The following EPB41L1 variants were observed in gnomAD, a reference collection of about 807,000 sequenced individuals.
The protein encoded by EPB41L1 is band 4.1-like protein 1.
Under a neutral mutation model 97.8 loss-of-function variants are expected in EPB41L1, and 29 were observed. The observed-to-expected ratio is 0.30, with a 90% confidence interval of 0.22 to 0.40. The LOEUF (loss-of-function observed/expected upper bound fraction) is 0.40, where lower values mean the gene tolerates loss of function less well. EPB41L1 is among the 10% of genes least tolerant of loss of function. EPB41L1 has a pLI of 1.00. For synonymous variants in EPB41L1, 383 were observed against 459.2 expected (o/e 0.83, Z 2.12); for missense variants, 812 against 1,162.3 (o/e 0.70, Z 4.38).
At chr20:36,205,514 AG>A (rs2062752212) in intron 14 of EPB41L1, among the ~76,000 whole-genome samples, 1 of 152,246 alleles carries the variant, frequency 6.6e-6, no homozygotes, top group African/African-American at 2.4e-5. Context: ...TGTTATTAAA[AG>A]AGGAAGAGGA....
At chr20:36,130,787 TTCTCTCTCTCTC>T (rs35428172) in intron 2 of EPB41L1, among the ~76,000 whole-genome samples, 8 of 143,756 alleles carry the variant, frequency 5.6e-5, no homozygotes, top group Middle Eastern at 3.5e-3. Flanking sequence ...TTTTAAAAAT[TTCTCTCTCTCTC>T]TCTCTCTCTC....
In EPB41L1 at chr20:36,173,915, G is replaced by A; in HGVS notation, c.138G>A (p.Glu46=). 1 of 1,614,006 alleles carries A rather than the reference G, an allele frequency of 6.2e-7. No homozygotes were observed. The part of the protein sequence containing the change: ...GHGHPEANSN[E]KHPSQQDTRP... ...GCCACCCAGAGGCCAACTCCAATGA[G>A]AAGCATCCATCCCAGCAGGACACGC... Residue 46 remains glutamate (E), a synonymous_variant, in exon 2 of 22, where the codon GAG becomes GAA. Transcript: ENST00000338074.
rs551907659 is a variant in EPB41L1 at position 36,206,083 on chromosome 20, G to C, written c.1669-3405G>C. On this transcript the variant is annotated intron_variant, in intron 14 of 21. Coordinates refer to ENST00000338074, the MANE Select transcript of EPB41L1 (RefSeq NM_012156.2). The surrounding 1 kb of genome is among the most constrained non-coding windows in gnomAD (Gnocchi z 5.5). ...CACCCAGCAACAAGGAAAAATGATTGCAAGTCCTGAAGACTTTGAGTCAGT... is the reference window on the plus strand; with the variant it reads ...CACCCAGCAACAAGGAAAAATGATTCCAAGTCCTGAAGACTTTGAGTCAGT... 181 of 1,289,888 alleles carry C rather than the reference G, an allele frequency of 1.4e-4. No homozygotes were observed. In the African/African-American group the frequency reaches 2.5e-3, roughly 18 times the overall value. The allele number at this position is 1,289,888 out of a possible 1,614,324, so 79.9% of individuals were successfully genotyped here.
intron 11 of EPB41L1, among the ~76,000 whole-genome samples, chr20:36,193,378 T>C (rs1038278977): frequency 4.6e-5 from 7 of 152,252 alleles, no homozygotes; most frequent in African/African-American, 1.7e-4. Flanking sequence ...ATGCGTACTT[T>C]GCAAAGTGAG....
intron 2 of EPB41L1, among the ~76,000 whole-genome samples, chr20:36,146,160 G>A (rs974812879): frequency 2.6e-5 from 4 of 152,162 alleles, no homozygotes; most frequent in Admixed American, 2.6e-4. Flanking sequence ...CAGTTGGCTG[G>A]TGTGGGTACT....
chr20:36,215,222 G>A (rs1191642494), intron 17 of EPB41L1, among the ~76,000 whole-genome samples: 1 of 151,980 alleles, frequency 6.6e-6, no homozygotes, highest in East Asian at 1.9e-4. Context: ...GAAGTTCAGA[G>A]AGGTAAAGCG....
chr20:36,194,222 C>A lies in EPB41L1; in HGVS notation c.1311C>A (p.Ser437=). 6.2e-7 allele frequency: 1 copy of A among 1,613,820 alleles called. No individual in the cohort carries two copies. The highest frequency in any genetic ancestry group is 8.5e-7 in the Non-Finnish European group (1 of 1,180,042). ...CTCCACCCACTTCAGCAGAGTTCTC[C>A]CGCCCAGCCTCGGTCAGCGAGAACC... ...MSRSLDGAEF[S]RPASVSENHD... is the part of the protein sequence containing the mutation. The change falls in exon 12 of 22, where the codon TCC becomes TCA. Residue 437 remains serine, a synonymous_variant. Transcript: ENST00000338074.
intron 2 of EPB41L1, among the ~76,000 whole-genome samples, chr20:36,123,760 G>A (rs1430332771): frequency 6.6e-6 from 1 of 152,232 alleles, no homozygotes; most frequent in African/African-American, 2.4e-5. Context: ...CAATGTATAG[G>A]TCAGAAGAAG....
chr20:36,187,124 G>A (rs1264782342), intron 7 of EPB41L1, among the ~76,000 whole-genome samples: 1 of 152,184 alleles, frequency 6.6e-6, no homozygotes, highest in African/African-American at 2.4e-5. Flanking sequence ...CTCAATAAAT[G>A]TTTGCTGTGA....
intron 6 of EPB41L1, among the ~76,000 whole-genome samples, chr20:36,184,455 C>T (rs529062633): frequency 2.6e-5 from 4 of 152,064 alleles, no homozygotes; most frequent in Admixed American, 6.5e-5. Flanking sequence ...GGAAATGTTT[C>T]TTTAAACCAA....
intron 1 of EPB41L1, among the ~76,000 whole-genome samples, chr20:36,163,451 C>T (rs2060613134): frequency 6.6e-6 from 1 of 152,164 alleles, no homozygotes; most frequent in South Asian, 2.1e-4. Context: ...TAAGGGGCTT[C>T]CTGACGGTTC....
chr20:36,148,566 T>C (rs930896753), intron 2 of EPB41L1, among the ~76,000 whole-genome samples: 4 of 152,158 alleles, frequency 2.6e-5, no homozygotes, highest in African/African-American at 4.8e-5. Flanking sequence ...GCTGAGGTAT[T>C]TGAGTTGCTT....
rs957823015 is a variant in EPB41L1 at position 36,099,428 on chromosome 20, G to A, written c.-65+7816G>A. Among the ~76,000 whole-genome samples, 14 of 152,126 alleles carry A rather than the reference G, an allele frequency of 9.2e-5. No homozygotes were observed. In the East Asian group the frequency reaches 1.9e-3, roughly 21 times the overall value. On this transcript the variant is annotated intron_variant, in intron 1 of 19. Transcript: ENST00000202028. ...AGCCCTGCCTACTTCACCAAATTGCGATCCCAGGAGATAATGAGAAAGCTC... is the reference window on the plus strand; with the variant it reads ...AGCCCTGCCTACTTCACCAAATTGCAATCCCAGGAGATAATGAGAAAGCTC...
chr20:36,185,181 A>C lies in EPB41L1; in HGVS notation c.631A>C (p.Thr211Pro). The C allele has an allele frequency of 6.2e-7, 1 of 1,613,310 alleles. No individual in the cohort carries two copies. The highest frequency in any genetic ancestry group is 8.5e-7 in the Non-Finnish European group (1 of 1,180,022). ...GGGCCGGCTGCCATGCTCCTTTGTC[A>C]CGCATGCCCTACTGGGCTCCTACGC... ...ITGRLPCSFV[T>P]HALLGSYAVQ... is the part of the protein sequence containing the mutation. The change falls in exon 7 of 22, where the codon ACG becomes CCG. Residue 211 changes from threonine to proline, a missense_variant. Coordinates refer to ENST00000338074, the MANE Select transcript of EPB41L1 (RefSeq NM_012156.2).
upstream of EPB41L1, chr20:36,153,209 G>A (rs1182097045): frequency 9.9e-6 from 4 of 402,108 alleles, no homozygotes; most frequent in Admixed American, 2.7e-5. Flanking sequence ...ATTCTTTGGA[G>A]GCCCTAGAGT....
intron 2 of EPB41L1, among the ~76,000 whole-genome samples, chr20:36,148,419 C>A (rs1186047482): frequency 2.0e-5 from 3 of 152,066 alleles, no homozygotes; most frequent in African/African-American, 7.2e-5. Flanking sequence ...AGAGGGTCTC[C>A]CAGGCAGAGA....
At chr20:36,103,704 C>CTTTT (rs398038437) in intron 1 of EPB41L1, among the ~76,000 whole-genome samples, 7 of 135,752 alleles carry the variant, frequency 5.2e-5, no homozygotes, top group Non-Finnish European at 9.5e-5. Flanking sequence ...CTTTTTCTTT[C>CTTTT]TTTTTTTTTT....
chr20:36,147,624 A>G (rs923967427), intron 2 of EPB41L1, among the ~76,000 whole-genome samples: 1 of 152,192 alleles, frequency 6.6e-6, no homozygotes, highest in African/African-American at 2.4e-5. Flanking sequence ...AATATAGGCA[A>G]GTTGCTAGGC....
At chr20:36,161,408 A>G (rs961643678) in intron 1 of EPB41L1, among the ~76,000 whole-genome samples, 1 of 151,944 alleles carries the variant, frequency 6.6e-6, no homozygotes, top group Non-Finnish European at 1.5e-5. Context: ...CTTCATGTGC[A>G]TTATCTGTTT....
Sources: gnomAD v4.1 joint callset for allele counts (sites outside exome capture counted in the v4.1 genomes callset) on GRCh38, gnomAD v4.1.1 for gene constraint, Gnocchi (gnomAD v3.1) non-coding constraint, MANE v1.5 for transcripts, NCBI Gene and HGNC (gene_info 2026-07-23, HGNC 2026-07-21) for gene names.